PLSCR1: variants seen among roughly 807,000 people sequenced by gnomAD.
PLSCR1 encodes phospholipid scramblase 1.
In PLSCR1, 17 loss-of-function variants were observed where a neutral mutation model predicts 37.8. The ratio of observed to expected loss-of-function variants is 0.45; its 90% CI spans 0.31 to 0.68. PLSCR1 has a LOEUF of 0.68. PLSCR1 is among the 30% of genes least tolerant of loss of function. The probability of loss-of-function intolerance (pLI) is 0.06; values close to 1 mark genes in which losing one functional copy is unlikely to be tolerated. For missense variants in PLSCR1, 347 were observed against 380.9 expected (o/e 0.91, Z 0.74); for synonymous variants, 116 against 125.9 (o/e 0.92, Z 0.53).
intron 1 of PLSCR1, among the ~76,000 whole-genome samples, chr3:146,538,960 T>C (rs561950156): frequency 2.6e-5 from 4 of 152,300 alleles, no homozygotes; most frequent in Non-Finnish European, 5.9e-5. Flanking sequence ...CCCAACCTTT[T>C]TGGCACCAGG....
chr3:146,523,475 C>A (rs1365994865), intron 5 of PLSCR1, among the ~76,000 whole-genome samples: 1 of 152,186 alleles, frequency 6.6e-6, no homozygotes, highest in African/African-American at 2.4e-5. Context: ...GTCTTATAAA[C>A]CTTACTTATG....
At position 146,528,678 on chromosome 3, in the gene PLSCR1, AC is replaced by A; in HGVS notation, c.247del (p.Val83TyrfsTer11). 1 of 1,613,902 alleles carries A rather than the reference AC, an allele frequency of 6.2e-7. No individual in the cohort carries two copies. Among genetic ancestry groups the A allele is most frequent in the Non-Finnish European group, 8.5e-7 (1 of 1,179,942 alleles). ...AGGCTGTGGCGCTGGCATCCATGGT[AC>A]CCCTGCAGCTCCAACTGGCTGATTA... ...VYNQPVGAAG[V>X]PWMPAPQPPL... On this transcript the variant is annotated frameshift_variant, in exon 4 of 9. Transcript: ENST00000342435. LOFTEE classifies it high-confidence loss of function.
At chr3:146,534,740 G>A (rs1041789302) in intron 2 of PLSCR1, among the ~76,000 whole-genome samples, 3 of 152,108 alleles carry the variant, frequency 2.0e-5, no homozygotes, top group African/African-American at 7.2e-5. Flanking sequence ...GCCAGGCATG[G>A]TGGCACGCGC....
At chr3:146,520,762 G>C (rs189503311) in intron 7 of PLSCR1, among the ~76,000 whole-genome samples, 12 of 152,198 alleles carry the variant, frequency 7.9e-5, no homozygotes, top group Non-Finnish European at 1.6e-4. Flanking sequence ...TATTACAAGG[G>C]GCAGCCCCAC....
At chr3:146,528,392 A>G in intron 4 of PLSCR1, 1 of 559,462 alleles carries the variant, frequency 1.8e-6, no homozygotes, top group Non-Finnish European at 3.2e-6. Flanking sequence ...GCTATTGGCC[A>G]TTATCATAGA....
intron 2 of PLSCR1, among the ~76,000 whole-genome samples, chr3:146,535,957 T>C (rs2108662684): frequency 6.6e-6 from 1 of 152,302 alleles, no homozygotes; most frequent in Middle Eastern, 3.4e-3. Flanking sequence ...ATTTTCCCTA[T>C]GTAGTGGGAA....
chr3:146,536,634 G>T, intron 1 of PLSCR1, 69 bp from the exon 2 acceptor site: 1 of 893,494 alleles, frequency 1.1e-6, no homozygotes, highest in South Asian at 1.4e-5. Context: ...AGTTGAATCG[G>T]GATACTCTAA....
At chr3:146,543,817 A>G (rs1477822303) in intron 1 of PLSCR1, among the ~76,000 whole-genome samples, 1 of 152,216 alleles carries the variant, frequency 6.6e-6, no homozygotes, top group Non-Finnish European at 1.5e-5. Context: ...AAGAACATAT[A>G]TAAGAAGAAA....
chr3:146,541,902 C>T (rs1167325193), intron 1 of PLSCR1, among the ~76,000 whole-genome samples: 1 of 152,164 alleles, frequency 6.6e-6, no homozygotes, highest in African/African-American at 2.4e-5. Context: ...GTTCCACTCT[C>T]TCTTGCTGTC....
intron 7 of PLSCR1, among the ~76,000 whole-genome samples, chr3:146,520,011 TC>T (rs1208137249): frequency 6.6e-6 from 1 of 151,994 alleles, no homozygotes; most frequent in African/African-American, 2.4e-5. Context: ...TTTTATTACT[TC>T]AAGTTTCCAT....
intron 7 of PLSCR1, 76 bp downstream of exon 7, chr3:146,521,468 A>C: frequency 8.0e-7 from 1 of 1,255,192 alleles, no homozygotes; most frequent in Non-Finnish European, 1.1e-6. Flanking sequence ...TATTTAATGC[A>C]TTTATAATGT....
intron 1 of PLSCR1, 63 bp from the exon 2 acceptor site, chr3:146,536,628 G>T: frequency 1.1e-6 from 1 of 926,314 alleles, no homozygotes; most frequent in South Asian, 1.3e-5. Flanking sequence ...TATAACAGTT[G>T]AATCGGGATA....
intron 1 of PLSCR1, among the ~76,000 whole-genome samples, chr3:146,543,669 C>G (rs1385163404): frequency 6.6e-6 from 1 of 152,224 alleles, no homozygotes; most frequent in Non-Finnish European, 1.5e-5. Flanking sequence ...GAAGCAGGAA[C>G]TTTGTCAAAT....
Position 146,516,116 on chromosome 3 carries a change from A to G in PLSCR1, c.901-15T>C. ...AACATGAAGTCCTAGATAAAAACAA[A>G]AGTATACAAATGAATTTTCAACAAC... On this transcript the variant is annotated splice_polypyrimidine_tract_variant and intron_variant, in intron 8 of 8. Coordinates refer to ENST00000342435, the MANE Select transcript of PLSCR1 (RefSeq NM_021105.3). 1 of 1,566,452 alleles carries G rather than the reference A, an allele frequency of 6.4e-7. No individual in the cohort carries two copies. The highest frequency in any genetic ancestry group is 8.8e-7 in the Non-Finnish European group (1 of 1,140,180).
intron 6 of PLSCR1, 41 bp from the exon 7 acceptor site, chr3:146,521,746 A>G: frequency 1.3e-6 from 2 of 1,584,896 alleles, no homozygotes; most frequent in African/African-American, 1.3e-5. Flanking sequence ...AATAATCATA[A>G]TGCCTAGGTT....
chr3:146,534,469 C>T (rs1490740510), intron 2 of PLSCR1, among the ~76,000 whole-genome samples: 1 of 152,158 alleles, frequency 6.6e-6, no homozygotes, highest in Non-Finnish European at 1.5e-5. Context: ...CACTGTAACA[C>T]ATTTTTCTGT....
At chr3:146,541,046 T>TCAC in intron 1 of PLSCR1, 1 of 152,020 alleles carries the variant, frequency 6.6e-6, no homozygotes, top group South Asian at 2.1e-4. Flanking sequence ...GGCAAGCAGG[T>TCAC]GGTGAGGCTT....
intron 3 of PLSCR1, 46 bp downstream of exon 3, chr3:146,533,424 G>T: frequency 9.8e-7 from 1 of 1,022,574 alleles, no homozygotes; most frequent in Non-Finnish European, 1.5e-6. Flanking sequence ...CTCTCTCTCT[G>T]TCTCTCAATT....
At chr3:146,524,998 C>T (rs1040546905) in intron 5 of PLSCR1, among the ~76,000 whole-genome samples, 1 of 152,154 alleles carries the variant, frequency 6.6e-6, no homozygotes, top group Non-Finnish European at 1.5e-5. Flanking sequence ...CATTAATTGG[C>T]TTCCTAGGTT....
Sources: gnomAD v4.1 joint callset for allele counts (sites outside exome capture counted in the v4.1 genomes callset) on GRCh38, gnomAD v4.1.1 for gene constraint, MANE v1.5 for transcripts, NCBI Gene and HGNC (gene_info 2026-07-23, HGNC 2026-07-21) for gene names.